The following IQGAP1 variants were observed in gnomAD, a reference collection of about 807,000 sequenced individuals.
IQGAP1 encodes ras GTPase-activating-like protein IQGAP1.
Under a neutral mutation model 215.6 loss-of-function variants are expected in IQGAP1, and 66 were observed. The ratio of observed to expected loss-of-function variants is 0.31; its 90% CI spans 0.25 to 0.38. IQGAP1 has a LOEUF of 0.38. Ranked by LOEUF, IQGAP1 falls within the 10% of genes least tolerant of loss-of-function variation. The pLI is 1.00. For missense variants in IQGAP1, 1,712 were observed against 1,997.1 expected, an observed-to-expected ratio of 0.86 and a Z score of 2.72; for synonymous variants, 772 against 728.7, an observed-to-expected ratio of 1.06 and a Z score of -0.96.
In IQGAP1 at chr15:90,441,492, GTTT is replaced by G; in HGVS notation, c.650-5_650-3del. ...AGTGTTTTTGTTGGTTTGTTTTTTTGTTTTTTTTTTTAGTACATGCTGCTGTTA... is the reference window on the plus strand; with the variant it reads ...AGTGTTTTTGTTGGTTTGTTTTTTTGTTTTTTTTAGTACATGCTGCTGTTA... On this transcript the variant is annotated splice_polypyrimidine_tract_variant and intron_variant, in intron 7 of 37. Coordinates refer to ENST00000268182, the MANE Select transcript of IQGAP1 (RefSeq NM_003870.4). 1 of 1,193,026 alleles carries G rather than the reference GTTT, an allele frequency of 8.4e-7. No homozygotes were observed. Among genetic ancestry groups the G allele is most frequent in the Non-Finnish European group, 1.2e-6 (1 of 866,252 alleles). The allele number at this position is 1,193,026 out of a possible 1,614,324, so 73.9% of individuals were successfully genotyped here. A position where few individuals can be genotyped will look rare whatever the true frequency, so the allele number is the denominator to read the frequency against.
chr15:90,453,415 T>C, intron 13 of IQGAP1, 123 bp downstream of exon 13: 1 of 728,438 alleles, frequency 1.4e-6, no homozygotes. Context: ...TTTTGTTTGG[T>C]TCTACTTTGA....
chr15:90,492,471 G>A, intron 34 of IQGAP1, 74 bp from the exon 35 acceptor site: 1 of 1,018,330 alleles, frequency 9.8e-7, no homozygotes, highest in Non-Finnish European at 1.4e-6. Context: ...GCAGAGTTAA[G>A]CATTGCTGGG....
intron 15 of IQGAP1, among the ~76,000 whole-genome samples, chr15:90,461,133 T>C (rs2040808): frequency 0.2 from 29,654 of 150,574 alleles, 3,054 homozygotes; most frequent in African/African-American, 0.23. Flanking sequence ...ATGGTGAAAC[T>C]CCATCTCTAC....
intron 2 of IQGAP1, among the ~76,000 whole-genome samples, chr15:90,392,195 T>C (rs1964645335): frequency 6.6e-6 from 1 of 152,206 alleles, no homozygotes; most frequent in South Asian, 2.1e-4. Context: ...GTGTCTAGGC[T>C]TCTTTTCTGA....
At chr15:90,444,426 C>G (rs1284567143) in intron 9 of IQGAP1, among the ~76,000 whole-genome samples, 2 of 151,978 alleles carry the variant, frequency 1.3e-5, no homozygotes, top group African/African-American at 4.8e-5. Flanking sequence ...GGACTACAGT[C>G]ATGCGCTGCC....
At chr15:90,465,355 C>T (rs1315831333) in intron 15 of IQGAP1, among the ~76,000 whole-genome samples, 3 of 152,200 alleles carry the variant, frequency 2.0e-5, no homozygotes, top group Admixed American at 6.5e-5. Flanking sequence ...TATATATACC[C>T]TGGCCCTTGT....
At position 90,429,629 on chromosome 15, in the gene IQGAP1, A is replaced by G; in HGVS notation, c.353A>G (p.Gln118Arg). The G allele has an allele frequency of 1.2e-6, 2 of 1,609,132 alleles. No homozygotes were observed. Among genetic ancestry groups the G allele is most frequent in the Non-Finnish European group, 1.7e-6 (2 of 1,178,650 alleles). The change falls in exon 4 of 38, where the codon CAG becomes CGG. Residue 118 changes from glutamine to arginine, a missense_variant. By Grantham distance (43) the Gln-to-Arg change is conservative. Transcript: ENST00000268182. The stretch of plus-strand genomic sequence containing the variant: ...TTTAGACACACTGATAATGTGATTC[A>G]GTGGTTGAATGCCATGGATGAGATT... ...LHFRHTDNVIQWLNAMDEIGL... is the reference protein window; with the variant it reads ...LHFRHTDNVIRWLNAMDEIGL...
At position 90,422,654 on chromosome 15, in the gene IQGAP1, ATATATG is replaced by A. The variant is rs1567120962; in HGVS notation, c.156-3450_156-3445del. Among the ~76,000 whole-genome samples, 222 of 67,602 alleles carry A rather than the reference ATATATG, an allele frequency of 3.3e-3. 11 individuals carry two copies. The highest frequency in any genetic ancestry group is 4.2e-3 in the Admixed American group (24 of 5,760). 44.3% of individuals were successfully genotyped at this position (67,602 alleles called of 152,430 possible). Reference sequence around the variant, plus strand: ...TATATATATATGTATATGTATATATATATATGTATATATATATATATATATAATTTT... The same window carrying A: ...TATATATATATGTATATGTATATATATATATATATATATATATATAATTTT... On this transcript the variant is annotated intron_variant, in intron 2 of 37. Coordinates refer to ENST00000268182, the MANE Select transcript of IQGAP1 (RefSeq NM_003870.4).
chr15:90,501,176 T>A lies in IQGAP1; in HGVS notation c.*1068T>A, dbSNP rs1042538. The A allele has an allele frequency of 0.85, 129,240 of 152,416 alleles. 55,501 individuals are homozygous for A. Among genetic ancestry groups the A allele is most frequent in the African/African-American group, 0.9 (37,516 of 41,490 alleles). 9.4% of individuals were successfully genotyped at this position (152,416 alleles called of 1,614,324 possible). On this transcript the variant is annotated 3_prime_UTR_variant, in exon 38 of 38. Coordinates refer to ENST00000268182, the MANE Select transcript of IQGAP1 (RefSeq NM_003870.4). The stretch of plus-strand genomic sequence containing the variant: ...GTGTTCAGGGAGATAATTCTGCCTT[T>A]AATTGTCTAAAACAAAAACAAAACC...
Position 90,472,925 on chromosome 15 carries a change from G to A in IQGAP1, c.2264G>A (p.Arg755His), listed in dbSNP as rs200740824. 1.2e-4 allele frequency: 189 copies of A among 1,613,788 alleles called. No individual in the cohort carries two copies. The highest frequency in any genetic ancestry group is 1.4e-4 in the Non-Finnish European group (165 of 1,179,940). ...NEGLITRLQA[R>H]CRGYLVRQEF... is the part of the protein sequence containing the mutation. ...GGCCTGATCACCAGGCTGCAGGCTC[G>A]CTGCCGTGGATACTTAGTTCGACAG... The change falls in exon 19 of 38, where the codon CGC (arginine) becomes CAC (histidine). Residue 755 changes from arginine (R) to histidine (H), a missense_variant. Around this residue, in one of 2 missense-constraint regions of IQGAP1, gnomAD observed 1,021 missense variants for 1,074.2 expected, o/e 0.95. Coordinates refer to ENST00000268182, the MANE Select transcript of IQGAP1 (RefSeq NM_003870.4).
intron 2 of IQGAP1, among the ~76,000 whole-genome samples, chr15:90,405,672 T>C (rs1380538259): frequency 6.6e-6 from 1 of 152,056 alleles, no homozygotes; most frequent in Non-Finnish European, 1.5e-5. Context: ...GACTTGTAAA[T>C]TCTGAGTCTC....
chr15:90,443,192 T>G (rs1252547780), intron 8 of IQGAP1, among the ~76,000 whole-genome samples: 1 of 152,166 alleles, frequency 6.6e-6, no homozygotes, highest in Non-Finnish European at 1.5e-5. Flanking sequence ...AACTCTTGGC[T>G]TCAAGCCATC....
Position 90,466,073 on chromosome 15 carries a change from A to T in IQGAP1, c.1849A>T (p.Thr617Ser). The T allele has an allele frequency of 6.8e-6, 11 of 1,614,064 alleles. No homozygotes were observed. Among genetic ancestry groups the T allele is most frequent in the Non-Finnish European group, 9.3e-6 (11 of 1,179,960 alleles). Residue 617 changes from threonine to serine, a missense_variant, in exon 16 of 38, where the codon ACC becomes TCC. Transcript: ENST00000268182. ...TGGAATCTGGCAGTCCAACAAAGAC[A>T]CCCAAGAAGCACAGAAGTGTATGTA... ...QGGIWQSNKDTQEAQKFALGI... is the reference protein window; with the variant it reads ...QGGIWQSNKDSQEAQKFALGI...
chr15:90,394,161 A>G (rs867359351), intron 2 of IQGAP1, among the ~76,000 whole-genome samples: 1 of 134,142 alleles, frequency 7.5e-6, no homozygotes. Context: ...AAAAAAAGGC[A>G]GTGGAGACAT....
chr15:90,414,013 G>A (rs930485062), intron 2 of IQGAP1, among the ~76,000 whole-genome samples: 6 of 151,822 alleles, frequency 4.0e-5, no homozygotes, highest in Non-Finnish European at 2.9e-5. Flanking sequence ...CCTCCTTCAC[G>A]TGTTCTTTTC....
rs376035555 is a variant in IQGAP1 at position 90,419,313 on chromosome 15, A to ATG, written c.156-6795_156-6794dup. Among the ~76,000 whole-genome samples, 333 of 152,274 alleles carry ATG rather than the reference A, an allele frequency of 2.2e-3. 1 individual carries two copies. The highest frequency in any genetic ancestry group is 7.7e-3 in the African/African-American group (320 of 41,550). On this transcript the variant is annotated intron_variant, in intron 2 of 37. Coordinates refer to ENST00000268182, the MANE Select transcript of IQGAP1 (RefSeq NM_003870.4). Reference sequence around the variant, plus strand: ...GTTGCAAAGATTGAGATAATAATGCATGTAAAGTATTTGGCTTCATGTCTG... The same window carrying ATG: ...GTTGCAAAGATTGAGATAATAATGCATGTGTAAAGTATTTGGCTTCATGTCTG...
At position 90,388,408 on chromosome 15, in the gene IQGAP1, G is replaced by C; in HGVS notation, c.55+12G>C. The C allele has an allele frequency of 1.3e-6, 2 of 1,570,032 alleles. No homozygotes were observed. Among genetic ancestry groups the C allele is most frequent in the Non-Finnish European group, 1.7e-6 (2 of 1,161,960 alleles). ...GCCGCACTATGGCTGTGAGTGCGGGGCTCCGCGGCGCGGGGGCTTCGGGCT... is the reference window on the plus strand; with the variant it reads ...GCCGCACTATGGCTGTGAGTGCGGGCCTCCGCGGCGCGGGGGCTTCGGGCT... On this transcript the variant is annotated intron_variant, in intron 1 of 37. Coordinates refer to ENST00000268182, the MANE Select transcript of IQGAP1 (RefSeq NM_003870.4).
intron 10 of IQGAP1, among the ~76,000 whole-genome samples, chr15:90,449,352 C>T (rs1290523959): frequency 1.3e-5 from 2 of 152,128 alleles, no homozygotes; most frequent in African/African-American, 4.8e-5. Context: ...TAAGAATGTA[C>T]TGGTATCTGT....
intron 2 of IQGAP1, among the ~76,000 whole-genome samples, chr15:90,410,073 C>T (rs901334868): frequency 1.3e-5 from 2 of 152,140 alleles, no homozygotes; most frequent in African/African-American, 2.4e-5. Context: ...GAGCAGATTG[C>T]AAAAATTTTC....
Sources: allele counts gnomAD v4.1 joint callset (sites outside exome capture counted in the v4.1 genomes callset), GRCh38; gene constraint gnomAD v4.1.1; regional missense constraint gnomAD v4.1.1; transcripts MANE v1.5; gene names NCBI Gene and HGNC (gene_info 2026-07-23, HGNC 2026-07-21).